Variants in PUS7L observed in about 807,000 individuals in gnomAD.
PUS7L encodes pseudouridylate synthase PUS7L.
In PUS7L, 49 loss-of-function variants were observed where a neutral mutation model predicts 51.1. The ratio of observed to expected loss-of-function variants is 0.96; its 90% CI spans 0.76 to 1.22. The LOEUF is 1.22. Among genes scored for constraint, PUS7L ranks in the 50% most tolerant of loss-of-function variants. The pLI, the probability that PUS7L is intolerant of heterozygous loss-of-function variation, is 0.00. For synonymous variants in PUS7L, 277 were observed against 276.2 expected, an observed-to-expected ratio of 1.00 and a Z score of -0.03; for missense variants, 828 against 820.6, an observed-to-expected ratio of 1.01 and a Z score of -0.11.
At chr12:43,746,801 G>C (rs1024001322) in intron 3 of PUS7L, among the ~76,000 whole-genome samples, 5 of 149,640 alleles carry the variant, frequency 3.3e-5, no homozygotes, top group Non-Finnish European at 5.9e-5. Flanking sequence ...ATACGTGACA[G>C]ACTATTGAGT....
chr12:43,752,405 T>A lies in PUS7L; in HGVS notation c.910+1931A>T, dbSNP rs74885123. On this transcript the variant is annotated intron_variant, in intron 2 of 8. Coordinates refer to ENST00000344862, the MANE Select transcript of PUS7L (RefSeq NM_031292.5). ...CTCAGAAGTCACCTCACATCCACATTCTCCCTCAAATTCTTTCCAAGTTCC... is the reference window on the plus strand; with the variant it reads ...CTCAGAAGTCACCTCACATCCACATACTCCCTCAAATTCTTTCCAAGTTCC... 3.2e-3 allele frequency among the ~76,000 whole-genome samples: 486 copies of A among 152,276 alleles called. 4 individuals are homozygous for A. In the East Asian group the frequency reaches 0.037, roughly 12 times the overall value.
In PUS7L at chr12:43,738,400, A is replaced by C; in HGVS notation, c.1363-9T>G. On this transcript the variant is annotated splice_polypyrimidine_tract_variant and intron_variant, in intron 5 of 8. Coordinates refer to ENST00000344862, the MANE Select transcript of PUS7L (RefSeq NM_031292.5). ...AATTTTATGGCTTTCATCTTAAAAA[A>C]TCAAGCAGGTAAACATGTGTTAATG... 1 of 1,472,528 alleles carries C rather than the reference A, an allele frequency of 6.8e-7. No individual in the cohort carries two copies. The highest frequency in any genetic ancestry group is 9.5e-7 in the Non-Finnish European group (1 of 1,054,544). The allele number at this position is 1,472,528 out of a possible 1,614,324, so 91.2% of individuals were successfully genotyped here. A position where few individuals can be genotyped will look rare whatever the true frequency, so the allele number is the denominator to read the frequency against.
intron 1 of PUS7L, among the ~76,000 whole-genome samples, chr12:43,756,653 C>T (rs1408736440): frequency 2.0e-5 from 3 of 152,188 alleles, no homozygotes. Context: ...AACCTCACAC[C>T]TCTACTTCAT....
intron 5 of PUS7L, among the ~76,000 whole-genome samples, chr12:43,741,603 C>T (rs149327876): frequency 2.1e-4 from 32 of 152,274 alleles, no homozygotes; most frequent in African/African-American, 7.2e-4. Flanking sequence ...ACTGAAGAAC[C>T]ACTGCTGAGG....
At chr12:43,731,396 T>C (rs183454075) in intron 8 of PUS7L, among the ~76,000 whole-genome samples, 36 of 152,152 alleles carry the variant, frequency 2.4e-4, no homozygotes, top group Admixed American at 2.2e-3. Flanking sequence ...GGCAAAACCA[T>C]AGTGACAGAA....
Position 43,741,071 on chromosome 12 carries a change from C to A in PUS7L, c.1362+1386G>T, listed in dbSNP as rs1937875679. ...AATAAATGCTTGTTGTCTTCAACCA[C>A]CACGTTTTGGGGTAATTTGTTACAC... On this transcript the variant is annotated intron_variant, in intron 5 of 8. Transcript: ENST00000344862. 6 of 152,232 alleles carry A rather than the reference C, an allele frequency of 3.9e-5. No homozygotes were observed. In the South Asian group the frequency reaches 1.2e-3, roughly 32 times the overall value. 9.4% of individuals were successfully genotyped at this position (152,232 alleles called of 1,614,324 possible).
rs1944436555 is a variant in PUS7L, at chr12:43,725,010, C to T, written c.*5366G>A. On this transcript the variant is annotated 3_prime_UTR_variant, in exon 9 of 9. Transcript: ENST00000344862. ...TTGTTGACTGCTGATGTTTCTGAGC[C>T]TGAGGCCTGCATAGTTGGCTAAAAA... 6.6e-6 allele frequency: 1 copy of T among 152,142 alleles called. No homozygotes were observed. The highest frequency in any genetic ancestry group is 2.4e-5 in the African/African-American group (1 of 41,446). The allele number at this position is 152,142 out of a possible 1,614,324, so 9.4% of individuals were successfully genotyped here.
rs1220247955 is a variant in PUS7L, at chr12:43,730,138, G to A, written c.*238C>T. ...TTTATGACACAGAATAAAGGTCACT[G>A]AAACATATAATAGAAAAAAAACACA... On this transcript the variant is annotated 3_prime_UTR_variant, in exon 9 of 9. Coordinates refer to ENST00000344862, the MANE Select transcript of PUS7L (RefSeq NM_031292.5). 1 of 474,892 alleles carries A rather than the reference G, an allele frequency of 2.1e-6. No individual in the cohort carries two copies. 29.4% of individuals were successfully genotyped at this position (474,892 alleles called of 1,614,324 possible). A position where few individuals can be genotyped will look rare whatever the true frequency, so the allele number is the denominator to read the frequency against.
In PUS7L at chr12:43,730,688, T is replaced by A. The variant is rs1407407396; in HGVS notation, c.1794A>T (p.Val598=). 1 of 1,595,206 alleles carries A rather than the reference T, an allele frequency of 6.3e-7. No individual in the cohort carries two copies. The highest frequency in any genetic ancestry group is 1.7e-5 in the Admixed American group (1 of 58,990). ...MYAIHQVVLP[V]LGYNIQYPKN... is the part of the protein sequence containing the mutation. ...TCGGGTACTGAATATTGTATCCAAG[T>A]ACTGGAAGAACCACCTGTGAAAGAA... Residue 598 remains valine, a synonymous_variant, in exon 9 of 9, where the codon GTA becomes GTT. Coordinates refer to ENST00000344862, the MANE Select transcript of PUS7L (RefSeq NM_031292.5).
At position 43,754,694 on chromosome 12, in the gene PUS7L, T is replaced by G. The variant is rs750666996; in HGVS notation, c.552A>C (p.Pro184=). 6.2e-7 allele frequency: 1 copy of G among 1,613,878 alleles called. No individual in the cohort carries two copies. Among genetic ancestry groups the G allele is most frequent in the Non-Finnish European group, 8.5e-7 (1 of 1,179,840 alleles). ...SLHSAIRQKF[P]FLVTVGKNSE... is the part of the protein sequence containing the mutation. ...TGTTTTTTCCTACAGTTACTAAAAATGGAAATTTCTGCCTAATGGCACTGT... is the reference window on the plus strand; with the variant it reads ...TGTTTTTTCCTACAGTTACTAAAAAGGGAAATTTCTGCCTAATGGCACTGT... The change falls in exon 2 of 9, where the codon CCA becomes CCC. Residue 184 remains proline (P), a synonymous_variant. Coordinates refer to ENST00000344862, the MANE Select transcript of PUS7L (RefSeq NM_031292.5).
At position 43,736,605 on chromosome 12, in the gene PUS7L, A is replaced by G. The variant is rs552515610; in HGVS notation, c.1501T>C (p.Leu501=). 4.3e-6 allele frequency: 7 copies of G among 1,614,152 alleles called. No individual in the cohort carries two copies. Among genetic ancestry groups the G allele is most frequent in the Middle Eastern group, 1.6e-4 (1 of 6,062 alleles). Residue 501 remains leucine, a synonymous_variant, in exon 7 of 9, where the codon TTG becomes CTG. Transcript: ENST00000344862. ...MPEFKVRERA[L]LEALHRFGMT... is the part of the protein sequence containing the mutation. ...CCAAAGCGGTGCAATGCCTCCAACA[A>G]TGCTCTCTCACGCACTTTGAATTCA...
At chr12:43,757,008 C>T (rs1283735138) in intron 1 of PUS7L, among the ~76,000 whole-genome samples, 3 of 152,264 alleles carry the variant, frequency 2.0e-5, no homozygotes, top group Admixed American at 2.0e-4. Flanking sequence ...GTACCTTTAC[C>T]CCATTACCCA....
rs537536740 is a variant in PUS7L at position 43,726,164 on chromosome 12, C to T, written c.*4212G>A. 2 of 152,004 alleles carry T rather than the reference C, an allele frequency of 1.3e-5. No homozygotes were observed. Among genetic ancestry groups the T allele is most frequent in the Non-Finnish European group, 2.9e-5 (2 of 68,020 alleles). The allele number at this position is 152,004 out of a possible 1,614,324, so 9.4% of individuals were successfully genotyped here. ...AACTAAACTACAAGGCTATAGTAAC[C>T]AAAACAGCATGGTACTGGTACAAAA... On this transcript the variant is annotated 3_prime_UTR_variant, in exon 9 of 9. Coordinates refer to ENST00000344862, the MANE Select transcript of PUS7L (RefSeq NM_031292.5).
intron 6 of PUS7L, among the ~76,000 whole-genome samples, chr12:43,737,062 C>T (rs982501514): frequency 9.2e-5 from 14 of 152,138 alleles, no homozygotes; most frequent in Admixed American, 9.2e-4. Context: ...CTATTCTGGA[C>T]ATAAACACAG....
At chr12:43,747,677 G>C (rs1402564935) in intron 3 of PUS7L, among the ~76,000 whole-genome samples, 1 of 151,940 alleles carries the variant, frequency 6.6e-6, no homozygotes. Context: ...TGGGCAACAA[G>C]GGCAAAAATC....
At position 43,748,587 on chromosome 12, in the gene PUS7L, G is replaced by A. The variant is rs1565641653; in HGVS notation, c.933C>T (p.Asn311=). The change falls in exon 3 of 9, where the codon AAC becomes AAT. Residue 311 remains asparagine, a synonymous_variant. Transcript: ENST00000344862. ...IYTAFTLRKE[N]LEMFEAIGFL... is the part of the protein sequence containing the mutation. ...AACCAATCGCTTCAAACATTTCCAG[G>A]TTTTCCTTTCGTAGGGTAAAAGCTG... 6.3e-7 allele frequency: 1 copy of A among 1,587,850 alleles called. No individual in the cohort carries two copies.
rs1404999127 is a variant in PUS7L, at chr12:43,720,384, T to C, written c.*9992A>G. 1 of 152,328 alleles carries C rather than the reference T, an allele frequency of 6.6e-6. No individual in the cohort carries two copies. Among genetic ancestry groups the C allele is most frequent in the Non-Finnish European group, 1.5e-5 (1 of 68,044 alleles). The allele number at this position is 152,328 out of a possible 1,614,324, so 9.4% of individuals were successfully genotyped here. A position where few individuals can be genotyped will look rare whatever the true frequency, so the allele number is the denominator to read the frequency against. ...CTGTAATCCTAGCTCCTTGGGAGGC[T>C]GATACAGGAGAATCACTTGAACCCA... On this transcript the variant is annotated 3_prime_UTR_variant, in exon 9 of 9. Transcript: ENST00000344862.
At chr12:43,751,595 C>T (rs560776138) in intron 2 of PUS7L, among the ~76,000 whole-genome samples, 23 of 152,194 alleles carry the variant, frequency 1.5e-4, no homozygotes, top group African/African-American at 3.4e-4. Context: ...TCCAGTCTAT[C>T]GTTGTTGGAC....
At chr12:43,737,601 T>C (rs1937673505) in intron 6 of PUS7L, among the ~76,000 whole-genome samples, 1 of 150,854 alleles carries the variant, frequency 6.6e-6, no homozygotes. Context: ...AATAATATTA[T>C]TTAAATAAAG....
Sources: allele counts gnomAD v4.1 joint callset (sites outside exome capture counted in the v4.1 genomes callset), GRCh38; gene constraint gnomAD v4.1.1; transcripts MANE v1.5; gene names NCBI Gene and HGNC (gene_info 2026-07-23, HGNC 2026-07-21).